The following CENPU variants were observed in gnomAD, a reference collection of about 807,000 sequenced individuals.
The protein encoded by CENPU is KSHV latent nuclear antigen interacting protein 1.
Under a neutral mutation model 56.7 loss-of-function variants are expected in CENPU, and 46 were observed. That is an observed-to-expected ratio of 0.81 (90% confidence interval 0.64 to 1.04). CENPU has a LOEUF of 1.04. CENPU is among the 50% of genes least tolerant of loss of function. The pLI is 0.00. For synonymous variants in CENPU, 166 were observed against 163.0 expected (o/e 1.02, Z -0.14); for missense variants, 510 against 490.1 (o/e 1.04, Z -0.38).
chr4:184,707,435 T>TG (rs1760765582), intron 8 of CENPU, among the ~76,000 whole-genome samples: 1 of 152,070 alleles, frequency 6.6e-6, no homozygotes, highest in Non-Finnish European at 1.5e-5. Flanking sequence ...GGGTTGGACT[T>TG]GTGGGGCCTA....
intron 8 of CENPU, among the ~76,000 whole-genome samples, chr4:184,705,887 G>A (rs1046858585): frequency 1.3e-5 from 2 of 152,184 alleles, no homozygotes; most frequent in South Asian, 2.1e-4. Context: ...TTTCATTTCC[G>A]TGAAGTATTC....
chr4:184,724,789 C>T (rs575197445), intron 4 of CENPU, among the ~76,000 whole-genome samples, 168 bp downstream of exon 4: 3 of 152,280 alleles, frequency 2.0e-5, no homozygotes, highest in East Asian at 1.9e-4. Context: ...TTATAATTAT[C>T]GTGTCAATTA....
At position 184,703,965 on chromosome 4, in the gene CENPU, G is replaced by A. The variant is rs183100310; in HGVS notation, c.798-1524C>T. On this transcript the variant is annotated intron_variant, in intron 8 of 12. Transcript: ENST00000281453. Reference sequence around the variant, plus strand: ...TTATGCACATACTTGTGGTGATGCTGGTGTAAACAAACCTATAGTGTTGCC... The same window carrying A: ...TTATGCACATACTTGTGGTGATGCTAGTGTAAACAAACCTATAGTGTTGCC... Among the ~76,000 whole-genome samples the A allele has an allele frequency of 7.6e-3, 1,116 of 146,148 alleles. 13 individuals are homozygous for A. Among genetic ancestry groups the A allele is most frequent in the African/African-American group, 0.028 (1,070 of 38,352 alleles).
intron 8 of CENPU, among the ~76,000 whole-genome samples, chr4:184,702,929 T>C (rs1036564664): frequency 6.6e-6 from 1 of 152,200 alleles, no homozygotes; most frequent in Non-Finnish European, 1.5e-5. Flanking sequence ...CTGTGTAGTA[T>C]TCCATGGTCT....
At chr4:184,721,246 A>G (rs1761264002) in intron 4 of CENPU, among the ~76,000 whole-genome samples, 2 of 152,106 alleles carry the variant, frequency 1.3e-5, no homozygotes, top group Admixed American at 1.3e-4. Flanking sequence ...CAAATAATAA[A>G]TACAACAAAT....
At chr4:184,721,644 A>G (rs1361356392) in intron 4 of CENPU, among the ~76,000 whole-genome samples, 3 of 152,200 alleles carry the variant, frequency 2.0e-5, no homozygotes, top group African/African-American at 7.2e-5. Flanking sequence ...AGAAACTGTA[A>G]GAAGAGACAA....
rs889615174 is a variant in CENPU, at chr4:184,699,028, T to C, written c.987-1225A>G. Among the ~76,000 whole-genome samples the C allele has an allele frequency of 2.0e-4, 31 of 152,234 alleles. No individual in the cohort carries two copies. In the Middle Eastern group the frequency reaches 0.01, roughly 50 times the overall value. Reference sequence around the variant, plus strand: ...TATCTAGAAAAGAAACAAAAGTCAGTCTTTAAAACACGTCTCAGGCTGGGC... The same window carrying C: ...TATCTAGAAAAGAAACAAAAGTCAGCCTTTAAAACACGTCTCAGGCTGGGC... On this transcript the variant is annotated intron_variant, in intron 11 of 12. Coordinates refer to ENST00000281453, the MANE Select transcript of CENPU (RefSeq NM_024629.4).
chr4:184,734,036 CG>C lies in CENPU; in HGVS notation c.26del (p.Pro9ArgfsTer16). On this transcript the variant is annotated frameshift_variant, in exon 1 of 13. Transcript: ENST00000281453. LOFTEE classifies it high-confidence loss of function. MAPRGRRR[P>X]RPHRSEGARR... ...CTTACCCCTCAGACCTGTGAGGCCG[CG>C]GCCGCCGCCGCCCCCGCGGGGCCAT... The C allele has an allele frequency of 1.9e-6, 3 of 1,583,290 alleles. No individual in the cohort carries two copies. The highest frequency in any genetic ancestry group is 1.7e-6 in the Non-Finnish European group (2 of 1,167,184).
intron 2 of CENPU, among the ~76,000 whole-genome samples, chr4:184,729,502 C>T (rs756775853): frequency 2.6e-5 from 4 of 152,150 alleles, no homozygotes; most frequent in Non-Finnish European, 5.9e-5. Context: ...TTGAACACTG[C>T]AATTTGAATT....
At chr4:184,704,900 C>T (rs796090953) in intron 8 of CENPU, among the ~76,000 whole-genome samples, 8 of 152,280 alleles carry the variant, frequency 5.3e-5, no homozygotes, top group South Asian at 2.1e-4. Flanking sequence ...AATATTTCTA[C>T]ACTTCACACC....
At chr4:184,709,684 G>C (rs1760856201) in intron 8 of CENPU, among the ~76,000 whole-genome samples, 1 of 150,770 alleles carries the variant, frequency 6.6e-6, no homozygotes, top group African/African-American at 2.4e-5. Context: ...ATGAATAGAA[G>C]TACCAAGAAA....
chr4:184,729,116 T>C, intron 2 of CENPU, 81 bp from the exon 3 acceptor site: 1 of 1,083,278 alleles, frequency 9.2e-7, no homozygotes, highest in Non-Finnish European at 1.4e-6. Context: ...AATATTCTTG[T>C]AATCACTGCT....
intron 1 of CENPU, among the ~76,000 whole-genome samples, chr4:184,731,881 C>CTGTG (rs1491100516): frequency 7.8e-5 from 2 of 25,578 alleles, no homozygotes; most frequent in Non-Finnish European, 1.7e-4. Context: ...TACTCATGTG[C>CTGTG]TCTGTGTGTG....
intron 7 of CENPU, among the ~76,000 whole-genome samples, chr4:184,712,067 G>C (rs1280379540): frequency 1.4e-5 from 2 of 143,940 alleles, no homozygotes; most frequent in Admixed American, 7.3e-5. Context: ...GTTGCAGTGA[G>C]CGGAGATCAA....
At chr4:184,699,308 C>A (rs902602458) in intron 11 of CENPU, among the ~76,000 whole-genome samples, 1 of 151,934 alleles carries the variant, frequency 6.6e-6, no homozygotes, top group African/African-American at 2.4e-5. Context: ...CCAGCCTGGG[C>A]GACAGAGCCA....
chr4:184,719,931 A>G lies in CENPU; in HGVS notation c.321-2735T>C, dbSNP rs78601143. Among the ~76,000 whole-genome samples, 1,392 of 152,324 alleles carry G rather than the reference A, an allele frequency of 9.1e-3. 20 individuals are homozygous for G. Among genetic ancestry groups the G allele is most frequent in the African/African-American group, 0.032 (1,337 of 41,552 alleles). On this transcript the variant is annotated intron_variant, in intron 4 of 12. Transcript: ENST00000281453. ...ATGGATCCAAACAAGCCCAGACTCC[A>G]ATGACTACAATAAATACCTGACTCT...
Position 184,694,615 on chromosome 4 carries a change from G to GC in CENPU, c.*672dup. 1 of 1,614,156 alleles carries GC rather than the reference G, an allele frequency of 6.2e-7. No individual in the cohort carries two copies. On this transcript the variant is annotated 3_prime_UTR_variant, in exon 13 of 13. Transcript: ENST00000281453. ...ATCACCTAGCAGGCTGTCAACAGGTGCATCTGCTGATGCTGTCTGGGATAA... is the reference window on the plus strand; with the variant it reads ...ATCACCTAGCAGGCTGTCAACAGGTGCCATCTGCTGATGCTGTCTGGGATAA...
At position 184,716,525 on chromosome 4, in the gene CENPU, C is replaced by A; in HGVS notation, c.490G>T (p.Val164Phe). 1 of 1,614,138 alleles carries A rather than the reference C, an allele frequency of 6.2e-7. No homozygotes were observed. The highest frequency in any genetic ancestry group is 8.5e-7 in the Non-Finnish European group (1 of 1,180,022). Residue 164 changes from valine to phenylalanine, a missense_variant, in exon 6 of 13, where the codon GTT (valine) becomes TTT (phenylalanine). Val to Phe is a conservative substitution (Grantham distance 50). Transcript: ENST00000281453. Reference sequence around the variant, plus strand: ...TCTGAAGACGCTGTGGTTCGAATAACCTCATGACGTTGTGTACTTATTTTC... The same window carrying A: ...TCTGAAGACGCTGTGGTTCGAATAAACTCATGACGTTGTGTACTTATTTTC... ...AEKISTQRHE[V>F]IRTTASSELS...
At position 184,710,085 on chromosome 4, in the gene CENPU, G is replaced by T; in HGVS notation, c.784C>A (p.His262Asn). 3 of 1,602,122 alleles carry T rather than the reference G, an allele frequency of 1.9e-6. No individual in the cohort carries two copies. The highest frequency in any genetic ancestry group is 2.6e-6 in the Non-Finnish European group (3 of 1,170,298). The part of the protein sequence containing the change: ...NIVLPEFEKT[H>N]LEHQQRIESK... ...CAAAAGACTTACTGATGCTCTAGGTGGGTTTTCTCAAATTCAGGCAAAACA... is the reference window on the plus strand; with the variant it reads ...CAAAAGACTTACTGATGCTCTAGGTTGGTTTTCTCAAATTCAGGCAAAACA... The change falls in exon 8 of 13, where the codon CAC (histidine) becomes AAC (asparagine). Residue 262 changes from histidine (H) to asparagine (N), a missense_variant. By Grantham distance (68) the His-to-Asn change is moderately conservative (BLOSUM62 1). Transcript: ENST00000281453.
Sources: gnomAD v4.1 joint callset for allele counts (sites outside exome capture counted in the v4.1 genomes callset) on GRCh38, gnomAD v4.1.1 for gene constraint, MANE v1.5 for transcripts, NCBI Gene and HGNC (gene_info 2026-07-23, HGNC 2026-07-21) for gene names.